The following SOX5 variants were observed in gnomAD, a reference collection of about 807,000 sequenced individuals.
The protein encoded by SOX5 is SRY-box transcription factor 5.
In SOX5, 9 loss-of-function variants were observed where a neutral mutation model predicts 92.0. The observed-to-expected ratio is 0.10, with a 90% confidence interval of 0.06 to 0.17. SOX5 has a LOEUF of 0.17. Among genes scored for constraint, SOX5 ranks in the 10% least tolerant of loss-of-function variants. The probability of loss-of-function intolerance (pLI) is 1.00; values close to 1 mark genes in which losing one functional copy is unlikely to be tolerated. For synonymous variants in SOX5, 344 were observed against 336.3 expected (o/e 1.02, Z -0.25); for missense variants, 642 against 944.5 (o/e 0.68, Z 4.20).
At chr12:23,733,103 G>A (rs969829539) in intron 6 of SOX5, among the ~76,000 whole-genome samples, 6 of 152,100 alleles carry the variant, frequency 3.9e-5, no homozygotes, top group Non-Finnish European at 7.4e-5. Flanking sequence ...AGTTTATTGA[G>A]CCTTACACCC....
chr12:23,531,217 C>T lies in SOX5; in HGVS notation c.*3002G>A, dbSNP rs938931336. ...GTCAGAACAAGAGAACAGAATGCAG[C>T]GGTATGAACTTGCTTTTTGTTTCGG... On this transcript the variant is annotated 3_prime_UTR_variant, in exon 15 of 15. Coordinates refer to ENST00000451604, the MANE Select transcript of SOX5 (RefSeq NM_006940.6). 2 of 152,098 alleles carry T rather than the reference C, an allele frequency of 1.3e-5. No homozygotes were observed. The highest frequency in any genetic ancestry group is 2.9e-5 in the Non-Finnish European group (2 of 68,022). 9.4% of individuals were successfully genotyped at this position (152,098 alleles called of 1,614,324 possible). A position where few individuals can be genotyped will look rare whatever the true frequency, so the allele number is the denominator to read the frequency against.
At chr12:23,969,185 A>G (rs1263247697) in intron 4 of SOX5, among the ~76,000 whole-genome samples, 1 of 152,092 alleles carries the variant, frequency 6.6e-6, no homozygotes, top group Admixed American at 6.5e-5. Context: ...TTCTAGTTCT[A>G]TTTCCTAAGC....
chr12:24,140,348 G>A (rs550346653), intron 4 of SOX5, among the ~76,000 whole-genome samples: 2 of 152,190 alleles, frequency 1.3e-5, no homozygotes, highest in Admixed American at 1.3e-4. Flanking sequence ...TCTCCCTAAA[G>A]GCATGATGAG....
At chr12:24,458,873 C>CTACA (rs1943316362) in intron 1 of SOX5, among the ~76,000 whole-genome samples, 1 of 152,136 alleles carries the variant, frequency 6.6e-6, no homozygotes, top group South Asian at 2.1e-4. Context: ...CTAGAACATT[C>CTACA]CAAGATAGTA....
intron 1 of SOX5, among the ~76,000 whole-genome samples, chr12:24,505,935 C>T (rs1948700517): frequency 6.6e-6 from 1 of 151,868 alleles, no homozygotes; most frequent in Admixed American, 6.6e-5. Context: ...AGTTTCCCTA[C>T]TGTGAACACC....
intron 12 of SOX5, 38 bp from the exon 13 acceptor site, chr12:23,543,422 AC>A (rs775760498): frequency 1.7e-5 from 27 of 1,549,160 alleles, no homozygotes; most frequent in Non-Finnish European, 2.2e-5. Context: ...TAGCGTTAAA[AC>A]TTTTGTCAGC....
intron 4 of SOX5, among the ~76,000 whole-genome samples, chr12:24,134,590 A>G (rs182240647): frequency 2.0e-5 from 3 of 152,304 alleles, no homozygotes; most frequent in Admixed American, 6.5e-5. Context: ...CCATTAAACC[A>G]AAGACATTTG....
chr12:24,057,762 G>A (rs1307453182), intron 4 of SOX5, among the ~76,000 whole-genome samples: 7 of 151,878 alleles, frequency 4.6e-5, no homozygotes, highest in Admixed American at 4.6e-4. Context: ...TTAATTTCAT[G>A]TTTTCCACCT....
chr12:24,467,956 C>CT (rs5797087), intron 1 of SOX5, among the ~76,000 whole-genome samples: 40,475 of 152,058 alleles, frequency 0.27, 6,575 homozygotes, highest in East Asian at 0.72. Flanking sequence ...CTACAAATCT[C>CT]TGTCTATGCC....
At chr12:24,140,020 T>C (rs907847728) in intron 4 of SOX5, among the ~76,000 whole-genome samples, 1 of 152,184 alleles carries the variant, frequency 6.6e-6, no homozygotes, top group Admixed American at 6.5e-5. Context: ...TGTTTGTTTG[T>C]TTTTCCTAAA....
At chr12:23,682,163 A>T in intron 6 of SOX5, among the ~76,000 whole-genome samples, 1 of 151,826 alleles carries the variant, frequency 6.6e-6, no homozygotes, top group Admixed American at 6.6e-5. Context: ...CATTTATAAA[A>T]ATTGTTCACA....
At chr12:23,880,530 G>A (rs2096976603) in intron 2 of SOX5, among the ~76,000 whole-genome samples, 1 of 152,066 alleles carries the variant, frequency 6.6e-6, no homozygotes, top group Admixed American at 6.5e-5. Context: ...TCCTGAAGAG[G>A]GGTGAGAAAT....
chr12:24,017,080 G>A (rs1265267688), intron 4 of SOX5, among the ~76,000 whole-genome samples: 2 of 152,186 alleles, frequency 1.3e-5, no homozygotes, highest in Non-Finnish European at 1.5e-5. Context: ...TGTTTGTGAG[G>A]CAGTGTCGAG....
At chr12:23,681,839 A>T (rs964950037) in intron 6 of SOX5, among the ~76,000 whole-genome samples, 50 of 151,850 alleles carry the variant, frequency 3.3e-4, no homozygotes, top group African/African-American at 1.2e-3. Flanking sequence ...TATGAACATG[A>T]AATAGTTTAT....
rs1938754163 is a variant in SOX5 at position 23,530,564 on chromosome 12, C to A, written c.*3655G>T. 6.6e-6 allele frequency: 1 copy of A among 152,266 alleles called. No homozygotes were observed. Among genetic ancestry groups the A allele is most frequent in the Admixed American group, 6.5e-5 (1 of 15,304 alleles). The allele number at this position is 152,266 out of a possible 1,614,324, so 9.4% of individuals were successfully genotyped here. On this transcript the variant is annotated 3_prime_UTR_variant, in exon 15 of 15. Coordinates refer to ENST00000451604, the MANE Select transcript of SOX5 (RefSeq NM_006940.6). The stretch of plus-strand genomic sequence containing the variant: ...TTAACTGCAGATGCCAAATGAACTT[C>A]ACAAATGGACTTCACTAATTTAGGT...
chr12:24,209,872 G>A (rs7963984), intron 4 of SOX5, among the ~76,000 whole-genome samples: 1 of 150,500 alleles, frequency 6.6e-6, no homozygotes, highest in Admixed American at 6.6e-5. Flanking sequence ...CAAAAAATTA[G>A]CCGGGCGTAG....
chr12:24,263,445 G>A (rs1258044974), intron 3 of SOX5, among the ~76,000 whole-genome samples: 1 of 143,158 alleles, frequency 7.0e-6, no homozygotes, highest in Non-Finnish European at 1.5e-5. Context: ...TGAGAATGGC[G>A]TGAACCCAGA....
At chr12:24,168,177 G>A (rs1406167985) in intron 4 of SOX5, among the ~76,000 whole-genome samples, 2 of 152,174 alleles carry the variant, frequency 1.3e-5, no homozygotes, top group Non-Finnish European at 2.9e-5. Context: ...TAAACTTGTA[G>A]AGTTAAACAG....
intron 1 of SOX5, among the ~76,000 whole-genome samples, chr12:24,553,048 T>C (rs115934048): frequency 0.014 from 2,115 of 152,088 alleles, 42 homozygotes; most frequent in African/African-American, 0.048. Flanking sequence ...TAAGAAAAAG[T>C]ATAAAAACAA....
Sources: gnomAD v4.1 joint callset for allele counts (sites outside exome capture counted in the v4.1 genomes callset) on GRCh38, gnomAD v4.1.1 for gene constraint, MANE v1.5 for transcripts, NCBI Gene and HGNC (gene_info 2026-07-23, HGNC 2026-07-21) for gene names.